ZBTB1: variants seen among roughly 807,000 people sequenced by gnomAD.
ZBTB1 encodes the protein zinc finger and BTB domain-containing protein 1.
In ZBTB1, 13 loss-of-function variants were observed where a neutral mutation model predicts 51.6. That is an observed-to-expected ratio of 0.25 (90% CI 0.16 to 0.40). The LOEUF (loss-of-function observed/expected upper bound fraction) is 0.40. Ranked by LOEUF, ZBTB1 falls within the 10% of genes least tolerant of loss-of-function variation. The pLI, the probability that ZBTB1 is intolerant of heterozygous loss-of-function variation, is 1.00. For missense variants in ZBTB1, 567 were observed against 856.5 expected, an observed-to-expected ratio of 0.66 and a Z score of 4.22; for synonymous variants, 240 against 282.2, an observed-to-expected ratio of 0.85 and a Z score of 1.50.
intron 1 of ZBTB1, among the ~76,000 whole-genome samples, chr14:64,510,712 G>C (rs2079716005): frequency 6.6e-6 from 1 of 152,192 alleles, no homozygotes; most frequent in Non-Finnish European, 1.5e-5. Flanking sequence ...TGGGCATGGA[G>C]GGCTTTGTAT....
Position 64,524,628 on chromosome 14 carries a change from TAAAG to T in ZBTB1, c.*984_*987del, listed in dbSNP as rs2079889414. ...ATGTATATTGATAAATCTAATAAAATAAAGAGATCAATTATAAACCTGGTTGTTC... is the reference window on the plus strand; with the variant it reads ...ATGTATATTGATAAATCTAATAAAATAGATCAATTATAAACCTGGTTGTTC... On this transcript the variant is annotated 3_prime_UTR_variant, in exon 2 of 2. Transcript: ENST00000683701. 5 of 982,568 alleles carry T rather than the reference TAAAG, an allele frequency of 5.1e-6. No homozygotes were observed. The highest frequency in any genetic ancestry group is 1.8e-5 in the African/African-American group (1 of 56,948). The allele number at this position is 982,568 out of a possible 1,614,324, so 60.9% of individuals were successfully genotyped here. A position where few individuals can be genotyped will look rare whatever the true frequency, so the allele number is the denominator to read the frequency against.
In ZBTB1 at chr14:64,524,127, T is replaced by C; in HGVS notation, c.*481T>C. On this transcript the variant is annotated 3_prime_UTR_variant, in exon 2 of 2. Coordinates refer to ENST00000683701, the MANE Select transcript of ZBTB1 (RefSeq NM_001123329.2). ...GTTAACTACTCTTTATTCCCCCTTA[T>C]TAATGAAATTCATATTCTTAAATTG... 1.0e-6 allele frequency: 1 copy of C among 984,938 alleles called. No homozygotes were observed. The highest frequency in any genetic ancestry group is 1.2e-6 in the Non-Finnish European group (1 of 829,546). The allele number at this position is 984,938 out of a possible 1,614,324, so 61.0% of individuals were successfully genotyped here.
chr14:64,525,664 TTATC>T (rs1379760423), downstream of ZBTB1, among the ~76,000 whole-genome samples: 4 of 152,162 alleles, frequency 2.6e-5, no homozygotes, highest in Non-Finnish European at 4.4e-5. Context: ...GAAGAAACGA[TTATC>T]TATTCCATTA....
intron 1 of ZBTB1, among the ~76,000 whole-genome samples, chr14:64,511,010 AG>A (rs1248191656): frequency 6.6e-6 from 1 of 152,184 alleles, no homozygotes; most frequent in African/African-American, 2.4e-5. Flanking sequence ...GTTGATTATG[AG>A]GGAGAAGTTA....
chr14:64,518,124 A>T (rs929869857), intron 1 of ZBTB1, among the ~76,000 whole-genome samples: 1 of 152,160 alleles, frequency 6.6e-6, no homozygotes, highest in Non-Finnish European at 1.5e-5. Flanking sequence ...GGCATGAGCC[A>T]CTGCGCCTGG....
chr14:64,521,412 A>T, intron 1 of ZBTB1, 75 bp from the exon 2 acceptor site: 1 of 1,237,962 alleles, frequency 8.1e-7, no homozygotes, highest in Non-Finnish European at 1.1e-6. Flanking sequence ...TGCAAGTCAC[A>T]AATCATGATA....
chr14:64,522,688 G>A lies in ZBTB1; in HGVS notation c.1184G>A (p.Ser395Asn). 7 of 1,614,170 alleles carry A rather than the reference G, an allele frequency of 4.3e-6. No individual in the cohort carries two copies. In the Middle Eastern group the frequency reaches 1.2e-3, roughly 266 times the overall value. The change falls in exon 2 of 2, where the codon AGT becomes AAT. Residue 395 changes from serine to asparagine, a missense_variant. Around this residue, in one of 5 missense-constraint regions of ZBTB1, gnomAD observed 329 missense variants for 406.3 expected, o/e 0.81. Coordinates refer to ENST00000683701, the MANE Select transcript of ZBTB1 (RefSeq NM_001123329.2). ...ACTCTAAAACCTCGAATGTCAGTAAGTGCTGATGAAAGAGGTGGTTTAGAG... is the reference window on the plus strand; with the variant it reads ...ACTCTAAAACCTCGAATGTCAGTAAATGCTGATGAAAGAGGTGGTTTAGAG... ...RKTLKPRMSV[S>N]ADERGGLENM... is the part of the protein sequence containing the mutation.
At chr14:64,530,533 G>A (rs2079935051) in intron 2 of ZBTB1, among the ~76,000 whole-genome samples, 1 of 152,024 alleles carries the variant, frequency 6.6e-6, no homozygotes, top group South Asian at 2.1e-4. Context: ...CTTGAACCTG[G>A]GAGATGGAGG....
downstream of ZBTB1, among the ~76,000 whole-genome samples, chr14:64,527,704 G>A (rs547844879): frequency 6.6e-5 from 10 of 152,196 alleles, no homozygotes; most frequent in East Asian, 1.9e-3. Flanking sequence ...CTTGGAAGGT[G>A]GAGGTTGCAG....
downstream of ZBTB1, among the ~76,000 whole-genome samples, chr14:64,528,344 CTTTTTTT>C (rs71123857): frequency 1.4e-4 from 16 of 115,530 alleles, no homozygotes; most frequent in South Asian, 2.7e-4. Flanking sequence ...TTTTTCTTTT[CTTTTTTT>C]TTTTTTTTTT....
At position 64,524,169 on chromosome 14, in the gene ZBTB1, A is replaced by G. The variant is rs1369750071; in HGVS notation, c.*523A>G. ...CTTAAATTGACAAGCTTATTAGGCA[A>G]GTTAGGTGCACTGAATCTAACCTTT... On this transcript the variant is annotated 3_prime_UTR_variant, in exon 2 of 2. Coordinates refer to ENST00000683701, the MANE Select transcript of ZBTB1 (RefSeq NM_001123329.2). The G allele has an allele frequency of 1.0e-6, 1 of 985,200 alleles. No individual in the cohort carries two copies. Among genetic ancestry groups the G allele is most frequent in the African/African-American group, 1.7e-5 (1 of 57,230 alleles). The allele number at this position is 985,200 out of a possible 1,614,324, so 61.0% of individuals were successfully genotyped here.
At chr14:64,504,631 G>C (rs577442040), upstream of ZBTB1, 1 of 318,316 alleles carries the variant, frequency 3.1e-6, no homozygotes, top group African/African-American at 2.2e-5. Flanking sequence ...GCCAGCGGCA[G>C]AGTGGGTGGG....
intron 1 of ZBTB1, among the ~76,000 whole-genome samples, chr14:64,510,954 G>A (rs1456349209): frequency 6.6e-6 from 1 of 152,138 alleles, no homozygotes; most frequent in Non-Finnish European, 1.5e-5. Context: ...GGAGTAGATG[G>A]GCAGATTTGA....
intron 1 of ZBTB1, among the ~76,000 whole-genome samples, chr14:64,508,964 G>C (rs1390314234): frequency 6.6e-6 from 1 of 152,166 alleles, no homozygotes; most frequent in Non-Finnish European, 1.5e-5. Flanking sequence ...CCTTAAGTGT[G>C]GTAACAGAGC....
downstream of ZBTB1, among the ~76,000 whole-genome samples, chr14:64,529,334 G>A (rs1050642111): frequency 3.3e-5 from 5 of 151,670 alleles, no homozygotes; most frequent in Non-Finnish European, 7.4e-5. Flanking sequence ...AATCTCTCCC[G>A]CCAATCTCCA....
intron 1 of ZBTB1, among the ~76,000 whole-genome samples, chr14:64,517,662 T>C (rs545473535): frequency 3.6e-4 from 55 of 150,928 alleles, no homozygotes; most frequent in Admixed American, 3.6e-3. Context: ...CGTGGATTTG[T>C]TTTATATAAT....
chr14:64,529,849 T>C (rs181118278), downstream of ZBTB1, among the ~76,000 whole-genome samples: 40 of 152,280 alleles, frequency 2.6e-4, no homozygotes, highest in African/African-American at 8.7e-4. Flanking sequence ...CCATAGGTGA[T>C]TGATTTGATT....
intron 1 of ZBTB1, among the ~76,000 whole-genome samples, chr14:64,520,158 C>T (rs747123843): frequency 4.6e-5 from 7 of 152,120 alleles, no homozygotes; most frequent in African/African-American, 7.2e-5. Flanking sequence ...CCCACCACCA[C>T]GCCTGGCTAA....
intron 2 of ZBTB1, among the ~76,000 whole-genome samples, chr14:64,530,328 AGTGGCTCAG>A (rs2079933453): frequency 6.6e-6 from 1 of 152,172 alleles, no homozygotes; most frequent in South Asian, 2.1e-4. Flanking sequence ...GGCTGGGAGC[AGTGGCTCAG>A]GTGGCTCATG....
Sources: gnomAD v4.1 joint callset for allele counts (sites outside exome capture counted in the v4.1 genomes callset) on GRCh38, gnomAD v4.1.1 for gene constraint, gnomAD v4.1.1 regional missense constraint, MANE v1.5 for transcripts, NCBI Gene and HGNC (gene_info 2026-07-23, HGNC 2026-07-21) for gene names.